The following CFAP52 variants were observed in gnomAD, a reference collection of about 807,000 sequenced individuals.
CFAP52 encodes cilia- and flagella-associated protein 52.
Under a neutral mutation model 70.5 loss-of-function variants are expected in CFAP52, and 57 were observed. That is an observed-to-expected ratio of 0.81 (90% CI 0.65 to 1.01). The LOEUF (loss-of-function observed/expected upper bound fraction) is 1.01. Ranked by LOEUF, CFAP52 falls within the 50% of genes least tolerant of loss-of-function variation. The probability of loss-of-function intolerance (pLI) is 0.00; values close to 1 mark genes in which losing one functional copy is unlikely to be tolerated. For synonymous variants in CFAP52, 267 were observed against 292.5 expected (o/e 0.91, Z 0.89); for missense variants, 785 against 788.5 (o/e 1.00, Z 0.05).
At chr17:9,637,877 A>G (rs1411422629) in intron 11 of CFAP52, among the ~76,000 whole-genome samples, 1 of 152,142 alleles carries the variant, frequency 6.6e-6, no homozygotes, top group Non-Finnish European at 1.5e-5. Flanking sequence ...CACTCGGCCC[A>G]TAATACCCAT....
chr17:9,638,785 C>A (rs1367870918), intron 12 of CFAP52, 74 bp downstream of exon 12: 5 of 1,469,414 alleles, frequency 3.4e-6, no homozygotes, highest in Middle Eastern at 1.9e-4. Flanking sequence ...GTGGAGGGTG[C>A]GGGCTCTGGA....
intron 3 of CFAP52, among the ~76,000 whole-genome samples, chr17:9,590,959 C>T (rs1445312237): frequency 6.8e-6 from 1 of 148,138 alleles, no homozygotes; most frequent in East Asian, 2.0e-4. Flanking sequence ...ACCCATCTAG[C>T]TTCTACACAG....
rs185358048 is a variant in CFAP52, at chr17:9,612,741, C to T, written c.1025+262C>T. Reference sequence around the variant, plus strand: ...GGAAAGGGTAAGTACCTGACAAAACCTTTCTGTTTTCTTAATCCCATCCAG... The same window carrying T: ...GGAAAGGGTAAGTACCTGACAAAACTTTTCTGTTTTCTTAATCCCATCCAG... On this transcript the variant is annotated intron_variant, in intron 8 of 13. Transcript: ENST00000352665. Among the ~76,000 whole-genome samples the T allele has an allele frequency of 1.8e-3, 280 of 152,198 alleles. 1 individual carries two copies. The highest frequency in any genetic ancestry group is 3.1e-3 in the Admixed American group (48 of 15,282).
rs1909944527 is a variant in CFAP52, at chr17:9,616,747, C to G, written c.1025+4268C>G. ...CCCCCCAGCAGGGGCACACTGACAC[C>G]TCACACGGCAGGGTATTCCAACAGA... On this transcript the variant is annotated intron_variant, in intron 8 of 13. Transcript: ENST00000352665. Among the ~76,000 whole-genome samples the G allele has an allele frequency of 5.7e-5, 8 of 139,642 alleles. No homozygotes were observed. In the South Asian group the frequency reaches 1.9e-3, roughly 33 times the overall value. 91.6% of individuals were successfully genotyped at this position (139,642 alleles called of 152,430 possible).
At chr17:9,629,059 C>A (rs189850829) in intron 9 of CFAP52, among the ~76,000 whole-genome samples, 1 of 152,274 alleles carries the variant, frequency 6.6e-6, no homozygotes, top group Admixed American at 6.5e-5. Context: ...TAGCGTGAAT[C>A]TTTCTCTCTA....
chr17:9,603,752 G>A (rs1049344886), intron 6 of CFAP52, among the ~76,000 whole-genome samples: 10 of 152,138 alleles, frequency 6.6e-5, no homozygotes, highest in African/African-American at 1.9e-4. Flanking sequence ...GGGTTGATGG[G>A]TGCAGCAAAC....
chr17:9,614,946 T>A (rs1567630171), intron 8 of CFAP52, among the ~76,000 whole-genome samples: 1 of 152,228 alleles, frequency 6.6e-6, no homozygotes, highest in Non-Finnish European at 1.5e-5. Context: ...CCAGTCACAA[T>A]TTTAATAAAC....
intron 8 of CFAP52, among the ~76,000 whole-genome samples, chr17:9,622,555 G>A (rs1567631799): frequency 6.7e-6 from 1 of 150,302 alleles, no homozygotes; most frequent in African/African-American, 2.5e-5. Context: ...AAAAAAAAAA[G>A]AAGAAGAAGA....
intron 5 of CFAP52, among the ~76,000 whole-genome samples, chr17:9,598,783 CA>C (rs1909137290): frequency 9.2e-6 from 1 of 109,026 alleles, no homozygotes; most frequent in Non-Finnish European, 2.1e-5. Flanking sequence ...AGAAAAAGTT[CA>C]CCTCTGCACC....
intron 7 of CFAP52, among the ~76,000 whole-genome samples, chr17:9,608,781 G>C (rs1185422508): frequency 6.6e-6 from 1 of 151,882 alleles, no homozygotes; most frequent in African/African-American, 2.4e-5. Context: ...TGCTTATTCA[G>C]CACCTCCTCC....
At chr17:9,644,573 A>G (rs914901411), downstream of CFAP52, 4 of 126,968 alleles carry the variant, frequency 3.2e-5, no homozygotes, top group African/African-American at 1.2e-4. Flanking sequence ...TGACAGTTGC[A>G]TGGGATAAAG....
intron 5 of CFAP52, 113 bp downstream of exon 5, chr17:9,598,446 G>A (rs1407806042): frequency 2.6e-6 from 2 of 772,254 alleles, no homozygotes; most frequent in Non-Finnish European, 4.1e-6. Context: ...GTGGGGTATA[G>A]ACATAGGGGA....
At chr17:9,578,331 T>C (rs185624585) in intron 1 of CFAP52, among the ~76,000 whole-genome samples, 75 of 152,296 alleles carry the variant, frequency 4.9e-4, no homozygotes, top group Middle Eastern at 6.8e-3. Flanking sequence ...CTCAGTAAAC[T>C]GGCCAGAGGT....
intron 10 of CFAP52, among the ~76,000 whole-genome samples, chr17:9,633,237 C>T (rs1209399656): frequency 2.6e-5 from 4 of 152,230 alleles, no homozygotes; most frequent in African/African-American, 9.6e-5. Context: ...GAGTCTCACT[C>T]TGTCACCCAG....
intron 3 of CFAP52, among the ~76,000 whole-genome samples, chr17:9,587,487 C>G (rs538089088): frequency 1.3e-5 from 2 of 152,348 alleles, no homozygotes; most frequent in South Asian, 2.1e-4. Flanking sequence ...CTCCCACCAA[C>G]AGTACCTAAG....
intron 2 of CFAP52, 53 bp downstream of exon 2, chr17:9,586,025 G>T: frequency 1.3e-6 from 2 of 1,579,020 alleles, no homozygotes; most frequent in Non-Finnish European, 1.7e-6. Context: ...TGCCTCCCTA[G>T]AAGAACTGCC....
At chr17:9,640,819 T>A (rs574234830) in intron 12 of CFAP52, among the ~76,000 whole-genome samples, 19 of 152,230 alleles carry the variant, frequency 1.2e-4, no homozygotes, top group African/African-American at 4.3e-4. Context: ...AATTTTTGTA[T>A]TTTTAGTACA....
chr17:9,635,835 C>T (rs944995427), intron 11 of CFAP52, among the ~76,000 whole-genome samples: 2 of 152,016 alleles, frequency 1.3e-5, no homozygotes, highest in Non-Finnish European at 2.9e-5. Context: ...TTAACTTACA[C>T]GAATTCAACC....
chr17:9,600,099 C>T lies in CFAP52; in HGVS notation c.669C>T (p.Gly223=), dbSNP rs1909199645. 1 of 1,613,862 alleles carries T rather than the reference C, an allele frequency of 6.2e-7. No individual in the cohort carries two copies. The highest frequency in any genetic ancestry group is 8.5e-7 in the Non-Finnish European group (1 of 1,179,892). Residue 223 remains glycine (G), a synonymous_variant, in exon 6 of 14, where the codon GGC becomes GGT. Coordinates refer to ENST00000352665, the MANE Select transcript of CFAP52 (RefSeq NM_145054.5). The part of the protein sequence containing the change: ...VDDDDSFFYL[G]TTTGDILKMN... Reference sequence around the variant, plus strand: ...ATGATGATAGCTTTTTCTACCTTGGCACCACGACTGGAGATATTCTAAAAA... The same window carrying T: ...ATGATGATAGCTTTTTCTACCTTGGTACCACGACTGGAGATATTCTAAAAA...
Sources: allele counts gnomAD v4.1 joint callset (sites outside exome capture counted in the v4.1 genomes callset), GRCh38; gene constraint gnomAD v4.1.1; transcripts MANE v1.5; gene names NCBI Gene and HGNC (gene_info 2026-07-23, HGNC 2026-07-21).